RAPGEF5: variants seen among roughly 807,000 people sequenced by gnomAD.
RAPGEF5 encodes the protein Rap guanine nucleotide exchange factor 5.
A neutral mutation model predicts 125.2 loss-of-function variants in RAPGEF5; 65 were observed. That is an observed-to-expected ratio of 0.52 (90% CI 0.43 to 0.64). The LOEUF is 0.64. Ranked by LOEUF, RAPGEF5 falls within the 30% of genes least tolerant of loss-of-function variation. RAPGEF5 has a pLI of 0.00. For missense variants in RAPGEF5, 958 were observed against 1,048.1 expected (o/e 0.91, Z 1.19); for synonymous variants, 391 against 385.9 (o/e 1.01, Z -0.16).
intron 18 of RAPGEF5, among the ~76,000 whole-genome samples, chr7:22,150,006 A>C (rs3807527): frequency 0.31 from 46,316 of 150,942 alleles, 7,577 homozygotes; most frequent in Non-Finnish European, 0.36. Flanking sequence ...TAAGGGAAGA[A>C]ATAATTTAAT....
chr7:22,287,396 G>A (rs1410292984), intron 6 of RAPGEF5, among the ~76,000 whole-genome samples: 1 of 152,150 alleles, frequency 6.6e-6, no homozygotes, highest in African/African-American at 2.4e-5. Context: ...ATTTTTAGAT[G>A]ACAGGACTTT....
In RAPGEF5 at chr7:22,339,089, G is replaced by A. The variant is rs758070537; in HGVS notation, c.231+17741C>T. Among the ~76,000 whole-genome samples, 167 of 152,222 alleles carry A rather than the reference G, an allele frequency of 1.1e-3. 1 individual carries two copies. The highest frequency in any genetic ancestry group is 2.0e-3 in the Non-Finnish European group (139 of 68,006). On this transcript the variant is annotated intron_variant, in intron 1 of 25. Transcript: ENST00000665637. ...GAGTTTAACTGGTGTATGACCTTATGGGAACACTCGACTGGTAAGAGAAGA... is the reference window on the plus strand; with the variant it reads ...GAGTTTAACTGGTGTATGACCTTATAGGAACACTCGACTGGTAAGAGAAGA...
chr7:22,222,058 C>A (rs1785804537), intron 8 of RAPGEF5, among the ~76,000 whole-genome samples: 1 of 151,970 alleles, frequency 6.6e-6, no homozygotes, highest in Admixed American at 6.6e-5. Flanking sequence ...ACCAGCCTGG[C>A]CAACATGGTG....
intron 7 of RAPGEF5, among the ~76,000 whole-genome samples, chr7:22,233,084 C>T (rs932378483): frequency 1.3e-5 from 2 of 152,214 alleles, no homozygotes. Context: ...GAAAAACATG[C>T]GTGTTTTCTC....
chr7:22,134,445 C>T (rs937310692), intron 23 of RAPGEF5, among the ~76,000 whole-genome samples: 4 of 151,852 alleles, frequency 2.6e-5, no homozygotes, highest in Non-Finnish European at 5.9e-5. Context: ...ACAGAGGTCT[C>T]GATAAACTCA....
intron 20 of RAPGEF5, among the ~76,000 whole-genome samples, chr7:22,144,210 T>C (rs1279330505): frequency 6.6e-6 from 1 of 152,204 alleles, no homozygotes. Context: ...CCAAGGTCTG[T>C]ACCACGCACC....
At chr7:22,346,066 T>A (rs1784219152) in intron 1 of RAPGEF5, among the ~76,000 whole-genome samples, 1 of 152,192 alleles carries the variant, frequency 6.6e-6, no homozygotes, top group African/African-American at 2.4e-5. Context: ...TGTCTAAGAT[T>A]CACCCCAAAG....
At chr7:22,305,263 G>C (rs1783310070) in intron 5 of RAPGEF5, among the ~76,000 whole-genome samples, 3 of 152,150 alleles carry the variant, frequency 2.0e-5, no homozygotes, top group African/African-American at 7.2e-5. Flanking sequence ...AAAGCATTCA[G>C]CACAGTGCCT....
chr7:22,335,356 A>G (rs1035358005), intron 1 of RAPGEF5, among the ~76,000 whole-genome samples: 7 of 152,208 alleles, frequency 4.6e-5, no homozygotes, highest in African/African-American at 1.7e-4. Context: ...ATAGAAATCT[A>G]AGAACTGGGA....
chr7:22,142,506 T>C (rs1783295990), intron 20 of RAPGEF5, among the ~76,000 whole-genome samples: 1 of 152,142 alleles, frequency 6.6e-6, no homozygotes, highest in Non-Finnish European at 1.5e-5. Flanking sequence ...TTTTTAGTCA[T>C]ATTTTAAGGA....
chr7:22,145,507 A>G (rs185535672), intron 19 of RAPGEF5, among the ~76,000 whole-genome samples: 7 of 152,356 alleles, frequency 4.6e-5, no homozygotes, highest in Non-Finnish European at 5.9e-5. Flanking sequence ...ATCATAGGAT[A>G]AAAGGAATCC....
In RAPGEF5 at chr7:22,154,565, C is replaced by A; in HGVS notation, c.1676G>T (p.Ser559Ile). 6.2e-7 allele frequency: 1 copy of A among 1,613,866 alleles called. No individual in the cohort carries two copies. Among genetic ancestry groups the A allele is most frequent in the African/African-American group, 1.3e-5 (1 of 75,050 alleles). ...HVYITEHSYV[S>I]VKAKVSSIAQ... ...TATACTGGAAACTTTTGCCTTCACA[C>A]TGACATAGGAGTGCTCTGTTATATA... Residue 559 changes from serine to isoleucine, a missense_variant, in exon 17 of 26, where the codon AGT (serine) becomes ATT (isoleucine). Transcript: ENST00000665637.
chr7:22,306,501 CTCCCAT>C (rs896539137), intron 5 of RAPGEF5, among the ~76,000 whole-genome samples: 3 of 152,154 alleles, frequency 2.0e-5, no homozygotes, highest in African/African-American at 4.8e-5. Context: ...CAAATATTTT[CTCCCAT>C]TCTGTGGGTT....
intron 9 of RAPGEF5, among the ~76,000 whole-genome samples, chr7:22,219,127 G>C (rs141541073): frequency 6.6e-6 from 1 of 152,052 alleles, no homozygotes; most frequent in Admixed American, 6.6e-5. Flanking sequence ...GAGCAATCCT[G>C]GATAGTGCAG....
intron 1 of RAPGEF5, among the ~76,000 whole-genome samples, chr7:22,343,368 A>T (rs1784163857): frequency 6.6e-6 from 1 of 152,192 alleles, no homozygotes; most frequent in South Asian, 2.1e-4. Flanking sequence ...AGGGAAAAAA[A>T]TTCCAGGGTT....
At chr7:22,244,697 A>G (rs974667594) in intron 7 of RAPGEF5, among the ~76,000 whole-genome samples, 1 of 152,140 alleles carries the variant, frequency 6.6e-6, no homozygotes, top group South Asian at 2.1e-4. Context: ...TCATCCTGAA[A>G]CCATCCCCCT....
intron 11 of RAPGEF5, among the ~76,000 whole-genome samples, chr7:22,182,948 T>A (rs1784718150): frequency 6.6e-6 from 1 of 152,162 alleles, no homozygotes; most frequent in East Asian, 1.9e-4. Context: ...AAGCAAGGAC[T>A]ATTATTAGGT....
intron 7 of RAPGEF5, among the ~76,000 whole-genome samples, chr7:22,244,270 T>A (rs1051917144): frequency 4.6e-5 from 7 of 152,092 alleles, no homozygotes; most frequent in Non-Finnish European, 1.0e-4. Flanking sequence ...TTCCGTTGAT[T>A]CCATATCTCA....
chr7:22,145,511 G>C lies in RAPGEF5; in HGVS notation c.2008-289C>G, dbSNP rs570292836. Among the ~76,000 whole-genome samples the C allele has an allele frequency of 1.2e-4, 19 of 152,268 alleles. No homozygotes were observed. The South Asian group carries it at 3.9e-3, about 32-fold the overall frequency. ...CTGAAGTTTAAATCATAGGATAAAA[G>C]GAATCCCCAAATTTCCCAAACTTGT... On this transcript the variant is annotated intron_variant, in intron 19 of 25. Transcript: ENST00000665637.
Sources: allele counts gnomAD v4.1 joint callset (sites outside exome capture counted in the v4.1 genomes callset), GRCh38; gene constraint gnomAD v4.1.1; transcripts MANE v1.5; gene names NCBI Gene and HGNC (gene_info 2026-07-23, HGNC 2026-07-21).